The following MLLT10 variants were observed in gnomAD, a reference collection of about 807,000 sequenced individuals.
The protein encoded by MLLT10 is MLLT10 histone lysine methyltransferase DOT1L cofactor.
A neutral mutation model predicts 129.1 loss-of-function variants in MLLT10; 30 were observed. The observed-to-expected ratio is 0.23, with a 90% CI of 0.17 to 0.32. MLLT10 has a LOEUF of 0.32. Among genes scored for constraint, MLLT10 ranks in the 10% least tolerant of loss-of-function variants. The pLI, the probability that MLLT10 is intolerant of heterozygous loss-of-function variation, is 1.00. For synonymous variants in MLLT10, 490 were observed against 446.4 expected, an observed-to-expected ratio of 1.10 and a Z score of -1.23; for missense variants, 1,119 against 1,268.3, an observed-to-expected ratio of 0.88 and a Z score of 1.79.
chr10:21,741,558 A>G (rs1833635503), intron 22 of MLLT10, among the ~76,000 whole-genome samples: 1 of 152,320 alleles, frequency 6.6e-6, no homozygotes, highest in South Asian at 2.1e-4. Context: ...GGAAACGCAA[A>G]GAAAGCCCAA....
chr10:21,703,608 G>A (rs926021393), intron 13 of MLLT10, among the ~76,000 whole-genome samples: 11 of 151,768 alleles, frequency 7.2e-5, no homozygotes, highest in South Asian at 4.2e-4. Flanking sequence ...GCAGTGGCGC[G>A]ATCTCCGCTC....
intron 2 of MLLT10, among the ~76,000 whole-genome samples, chr10:21,536,337 T>C (rs1053920295): frequency 1.3e-5 from 2 of 152,222 alleles, no homozygotes; most frequent in Admixed American, 6.5e-5. Flanking sequence ...GGTCATCCCA[T>C]GTTCATTGGC....
At chr10:21,594,494 G>A (rs1420210970) in intron 4 of MLLT10, among the ~76,000 whole-genome samples, 3 of 150,180 alleles carry the variant, frequency 2.0e-5, no homozygotes, top group Non-Finnish European at 1.5e-5. Context: ...CGGAGGTCGC[G>A]GTGAGACGAG....
intron 8 of MLLT10, among the ~76,000 whole-genome samples, chr10:21,622,336 T>G (rs1326901768): frequency 6.6e-6 from 1 of 150,950 alleles, no homozygotes; most frequent in Admixed American, 6.6e-5. Context: ...TTTTTTTTTT[T>G]TTTTTTAAAT....
intron 21 of MLLT10, among the ~76,000 whole-genome samples, chr10:21,737,244 G>C (rs2058448117): frequency 6.6e-6 from 1 of 152,126 alleles, no homozygotes; most frequent in South Asian, 2.1e-4. Flanking sequence ...TGGGTGTGAT[G>C]AAAGTAAAAA....
intron 9 of MLLT10, among the ~76,000 whole-genome samples, chr10:21,666,322 AAC>A (rs1183754691): frequency 1.3e-5 from 2 of 152,104 alleles, no homozygotes; most frequent in Non-Finnish European, 2.9e-5. Context: ...TATATTATAA[AAC>A]ACAATTTATT....
chr10:21,612,270 T>G, intron 5 of MLLT10, 78 bp from the exon 6 acceptor site: 1 of 827,556 alleles, frequency 1.2e-6, no homozygotes, highest in Non-Finnish European at 1.9e-6. Flanking sequence ...CTGATCTTCA[T>G]TTCTGAAGAT....
At chr10:21,538,610 A>G (rs2034526676) in intron 2 of MLLT10, among the ~76,000 whole-genome samples, 1 of 152,058 alleles carries the variant, frequency 6.6e-6, no homozygotes, top group Non-Finnish European at 1.5e-5. Context: ...CCCAGCCTTG[A>G]TTTATTTAGA....
rs796305912 is a variant in MLLT10 at position 21,562,811 on chromosome 10, T to G, written c.241-23483T>G. Among the ~76,000 whole-genome samples, 47 of 121,884 alleles carry G rather than the reference T, an allele frequency of 3.9e-4. 2 individuals carry two copies. In the East Asian group the frequency reaches 8.2e-3, roughly 21 times the overall value. 80.0% of individuals were successfully genotyped at this position (121,884 alleles called of 152,430 possible). ...CATTGCTGACTTACATATACTTTGT[T>G]TTTTTTGTTTTTTTTTTTTTTTTTT... On this transcript the variant is annotated intron_variant, in intron 3 of 22. Transcript: ENST00000307729.
At position 21,550,173 on chromosome 10, in the gene MLLT10, T is replaced by G. The variant is rs1588869381; in HGVS notation, c.240+11261T>G. Among the ~76,000 whole-genome samples, 6 of 152,334 alleles carry G rather than the reference T, an allele frequency of 3.9e-5. 1 individual carries two copies. In the South Asian group the frequency reaches 1.2e-3, roughly 32 times the overall value. ...AATGGGGTTCATTGCTCCAGGCCAG[T>G]CTCTAAGTTTGTTTCTTGGCTTGGA... On this transcript the variant is annotated intron_variant, in intron 3 of 22. Coordinates refer to ENST00000307729, the MANE Select transcript of MLLT10 (RefSeq NM_001195626.3).
At chr10:21,706,838 C>T (rs2055558758) in intron 13 of MLLT10, among the ~76,000 whole-genome samples, 1 of 152,160 alleles carries the variant, frequency 6.6e-6, no homozygotes, top group South Asian at 2.1e-4. Flanking sequence ...CCTGAGATCA[C>T]TGTTTGTCTC....
intron 13 of MLLT10, among the ~76,000 whole-genome samples, chr10:21,699,164 C>T (rs190517970): frequency 1.5e-4 from 23 of 152,182 alleles, no homozygotes; most frequent in East Asian, 7.7e-4. Flanking sequence ...TGTGAGCCAC[C>T]GTGCCCAGCA....
At chr10:21,605,568 G>A (rs913363640) in intron 5 of MLLT10, among the ~76,000 whole-genome samples, 3 of 151,804 alleles carry the variant, frequency 2.0e-5, no homozygotes, top group Non-Finnish European at 4.4e-5. Context: ...GCTCAGCCTC[G>A]CAAGCAGCAG....
chr10:21,636,865 T>G (rs1229266195), intron 8 of MLLT10, among the ~76,000 whole-genome samples: 1 of 152,194 alleles, frequency 6.6e-6, no homozygotes, highest in African/African-American at 2.4e-5. Flanking sequence ...CACTATAATA[T>G]GGTAGTTGTG....
At chr10:21,735,899 T>C (rs912487372) in intron 21 of MLLT10, among the ~76,000 whole-genome samples, 1 of 152,168 alleles carries the variant, frequency 6.6e-6, no homozygotes, top group African/African-American at 2.4e-5. Context: ...ATCTTAAGTA[T>C]GAATGGAAAG....
chr10:21,539,780 AAAAC>A (rs1031256449), intron 3 of MLLT10, among the ~76,000 whole-genome samples: 3 of 152,078 alleles, frequency 2.0e-5, no homozygotes, highest in East Asian at 1.9e-4. Flanking sequence ...AAAAAAAAGA[AAAAC>A]AAATTACAAA....
At chr10:21,612,825 G>C (rs1399824102) in intron 6 of MLLT10, among the ~76,000 whole-genome samples, 12 of 152,158 alleles carry the variant, frequency 7.9e-5, no homozygotes, top group Non-Finnish European at 1.5e-5. Context: ...CTTACCTTCT[G>C]TGTCTCAAGT....
chr10:21,720,989 T>A (rs2057092156), intron 14 of MLLT10, among the ~76,000 whole-genome samples: 1 of 152,176 alleles, frequency 6.6e-6, no homozygotes, highest in Non-Finnish European at 1.5e-5. Context: ...ATAGCTTGGC[T>A]TATGATATAT....
chr10:21,543,151 G>C (rs549218413), intron 3 of MLLT10, among the ~76,000 whole-genome samples: 3 of 151,402 alleles, frequency 2.0e-5, no homozygotes, highest in Admixed American at 2.0e-4. Context: ...ATGGAGTTTC[G>C]TTCTTGTTGC....
Sources: allele counts gnomAD v4.1 joint callset (sites outside exome capture counted in the v4.1 genomes callset), GRCh38; gene constraint gnomAD v4.1.1; transcripts MANE v1.5; gene names NCBI Gene and HGNC (gene_info 2026-07-23, HGNC 2026-07-21).